Variants in LRP1B observed in about 807,000 individuals in gnomAD.
LRP1B encodes LDL receptor related protein 1B.
Under a neutral mutation model 556.6 loss-of-function variants are expected in LRP1B, and 217 were observed. That is an observed-to-expected ratio of 0.39 (90% CI 0.35 to 0.44). The LOEUF is 0.44. Among genes scored for constraint, LRP1B ranks in the 20% least tolerant of loss-of-function variants. The pLI is 1.00. For missense variants in LRP1B, 5,053 were observed against 5,620.8 expected (o/e 0.90, Z 3.23); for synonymous variants, 2,047 against 1,865.8 (o/e 1.10, Z -2.50).
At chr2:141,320,064 T>C (rs1013435695) in intron 3 of LRP1B, among the ~76,000 whole-genome samples, 1 of 152,064 alleles carries the variant, frequency 6.6e-6, no homozygotes, top group African/African-American at 2.4e-5. Context: ...TAGTAATTTC[T>C]CAGATGATGC....
intron 11 of LRP1B, among the ~76,000 whole-genome samples, chr2:141,031,009 AG>A (rs1220433184): frequency 6.6e-6 from 1 of 151,910 alleles, no homozygotes; most frequent in Non-Finnish European, 1.5e-5. Context: ...TATAAGCTCT[AG>A]GTCCCTAACA....
intron 35 of LRP1B, among the ~76,000 whole-genome samples, chr2:140,766,088 G>A (rs1689094681): frequency 6.6e-6 from 1 of 151,900 alleles, no homozygotes; most frequent in African/African-American, 2.4e-5. Flanking sequence ...TGATCCTAAT[G>A]TAGAGATTAT....
At chr2:142,113,117 C>T (rs1185340623) in intron 1 of LRP1B, among the ~76,000 whole-genome samples, 1 of 151,958 alleles carries the variant, frequency 6.6e-6, no homozygotes, top group Non-Finnish European at 1.5e-5. Flanking sequence ...AGGAAATAGA[C>T]ACAGAGAGAG....
intron 7 of LRP1B, among the ~76,000 whole-genome samples, chr2:141,172,098 G>A (rs767947786): frequency 9.9e-5 from 15 of 152,130 alleles, no homozygotes; most frequent in Non-Finnish European, 1.8e-4. Flanking sequence ...GTGAAAAGCT[G>A]TTCTAGGTTA....
intron 2 of LRP1B, among the ~76,000 whole-genome samples, chr2:141,605,682 C>T (rs1687892785): frequency 6.6e-6 from 1 of 152,176 alleles, no homozygotes; most frequent in African/African-American, 2.4e-5. Flanking sequence ...TTTTCTGCTG[C>T]TGTTACTGCT....
intron 77 of LRP1B, among the ~76,000 whole-genome samples, chr2:140,341,891 G>A (rs1326683237): frequency 6.6e-6 from 1 of 151,318 alleles, no homozygotes. Context: ...AATGGCTTGG[G>A]TCTGGGGTGG....
At chr2:142,032,389 C>A (rs544638453) in intron 1 of LRP1B, among the ~76,000 whole-genome samples, 3 of 151,742 alleles carry the variant, frequency 2.0e-5, no homozygotes, top group Non-Finnish European at 4.4e-5. Context: ...ATTTCTTAAC[C>A]TGTGTTAAAC....
chr2:141,096,994 G>A (rs984059371), intron 7 of LRP1B, among the ~76,000 whole-genome samples: 11 of 152,242 alleles, frequency 7.2e-5, no homozygotes, highest in East Asian at 3.9e-4. Context: ...GAGGCGAGCC[G>A]TTCCTTGCTA....
chr2:140,659,022 T>G (rs575602739), intron 41 of LRP1B, among the ~76,000 whole-genome samples: 1 of 151,788 alleles, frequency 6.6e-6, no homozygotes, highest in African/African-American at 2.4e-5. Context: ...AGATGATGGG[T>G]TGTTTCTGAG....
chr2:141,372,773 G>A (rs114187884), intron 3 of LRP1B, among the ~76,000 whole-genome samples: 3,974 of 151,748 alleles, frequency 0.026, 173 homozygotes, highest in African/African-American at 0.088. Flanking sequence ...TTCTTGGTTA[G>A]TCTAGCTAGT....
intron 29 of LRP1B, among the ~76,000 whole-genome samples, chr2:140,848,240 T>C (rs907105148): frequency 2.0e-5 from 3 of 152,176 alleles, no homozygotes; most frequent in Non-Finnish European, 4.4e-5. Context: ...TTCTTTTTAA[T>C]CCAGTCTAAC....
At chr2:141,248,380 T>C (rs1428114824) in intron 4 of LRP1B, among the ~76,000 whole-genome samples, 1 of 152,076 alleles carries the variant, frequency 6.6e-6, no homozygotes, top group African/African-American at 2.4e-5. Context: ...TTCCTTATAA[T>C]AGGGGTATAC....
rs1014630224 is a variant in LRP1B, at chr2:142,066,650, T to A, written c.82+63998A>T. 3.3e-5 allele frequency among the ~76,000 whole-genome samples: 5 copies of A among 151,542 alleles called. No individual in the cohort carries two copies. The Admixed American group carries it at 3.3e-4, about 10-fold the overall frequency. On this transcript the variant is annotated intron_variant, in intron 1 of 90. Transcript: ENST00000389484. ...CTTCATCTCCTCTGAGTTCTCACTATCAGAGCCATTGACTTCCGTATTTCT... is the reference window on the plus strand; with the variant it reads ...CTTCATCTCCTCTGAGTTCTCACTAACAGAGCCATTGACTTCCGTATTTCT...
intron 68 of LRP1B, among the ~76,000 whole-genome samples, chr2:140,374,853 A>G (rs976301759): frequency 5.9e-5 from 9 of 152,174 alleles, no homozygotes. Flanking sequence ...GGCTCATTTA[A>G]GTAAAGCAGC....
chr2:141,182,908 A>C lies in LRP1B; in HGVS notation c.1013+5513T>G, dbSNP rs184339364. ...TTTGCAACCTGTCAAAATGTAAATA[A>C]GCATTTTAAAAGTTTAAGGCAGTCA... is the stretch of plus-strand genomic sequence containing the variant. On this transcript the variant is annotated intron_variant, in intron 7 of 90. Coordinates refer to ENST00000389484, the MANE Select transcript of LRP1B (RefSeq NM_018557.3). Among the ~76,000 whole-genome samples, 375 of 152,108 alleles carry C rather than the reference A, an allele frequency of 2.5e-3. 2 individuals are homozygous for C. The highest frequency in any genetic ancestry group is 4.4e-3 in the Non-Finnish European group (301 of 67,952).
chr2:140,746,117 C>T (rs1271460041), intron 35 of LRP1B, among the ~76,000 whole-genome samples: 1 of 152,054 alleles, frequency 6.6e-6, no homozygotes, highest in Non-Finnish European at 1.5e-5. Context: ...TTGAGTTTAA[C>T]ATATGATTCA....
chr2:141,059,081 G>T, intron 8 of LRP1B, 27 bp from the exon 9 acceptor site: 1 of 1,354,998 alleles, frequency 7.4e-7, no homozygotes. Context: ...ACATAACTAT[G>T]ATTTTTAATT....
intron 1 of LRP1B, among the ~76,000 whole-genome samples, chr2:141,840,448 A>G (rs1697429219): frequency 6.6e-6 from 1 of 151,778 alleles, no homozygotes; most frequent in Non-Finnish European, 1.5e-5. Context: ...TACTTTTAGT[A>G]GAGACTCTGC....
intron 56 of LRP1B, among the ~76,000 whole-genome samples, chr2:140,494,854 A>G (rs1688849932): frequency 1.3e-5 from 2 of 152,116 alleles, no homozygotes; most frequent in Admixed American, 6.6e-5. Flanking sequence ...CTATTATATA[A>G]GAAACTGGCA....
Sources: gnomAD v4.1 joint callset for allele counts (sites outside exome capture counted in the v4.1 genomes callset) on GRCh38, gnomAD v4.1.1 for gene constraint, MANE v1.5 for transcripts, NCBI Gene and HGNC (gene_info 2026-07-23, HGNC 2026-07-21) for gene names.